Variants in GMDS observed in about 807,000 individuals in gnomAD.
GMDS encodes GDP-mannose 4,6-dehydratase, also known as GDP-mannose 4,6 dehydratase.
GMDS carries 20 observed loss-of-function variants against 49.9 expected under a neutral mutation model. The ratio of observed to expected loss-of-function variants is 0.40; its 90% CI spans 0.28 to 0.58. The LOEUF (loss-of-function observed/expected upper bound fraction) is 0.58, where lower values mean the gene tolerates loss of function less well. Among genes scored for constraint, GMDS ranks in the 20% least tolerant of loss-of-function variants. The pLI is 0.42. For synonymous variants in GMDS, 177 were observed against 178.6 expected (o/e 0.99, Z 0.07); for missense variants, 362 against 481.4 (o/e 0.75, Z 2.32).
At chr6:2,221,292 T>A (rs1175454149) in intron 1 of GMDS, among the ~76,000 whole-genome samples, 1 of 152,232 alleles carries the variant, frequency 6.6e-6, no homozygotes, top group East Asian at 1.9e-4. Context: ...TCATGATTTA[T>A]CCATCTGTTT....
At chr6:2,022,396 C>T (rs957343050) in intron 4 of GMDS, among the ~76,000 whole-genome samples, 1 of 152,134 alleles carries the variant, frequency 6.6e-6, no homozygotes, top group Non-Finnish European at 1.5e-5. Flanking sequence ...TTTTGTGGCA[C>T]TTTTCTGGTA....
intron 2 of GMDS, among the ~76,000 whole-genome samples, chr6:2,119,714 T>A (rs954417048): frequency 6.6e-6 from 1 of 152,162 alleles, no homozygotes. Flanking sequence ...ACTGAAAAGA[T>A]AAAAGAGCTG....
At chr6:1,791,364 G>C (rs1351535126) in intron 7 of GMDS, among the ~76,000 whole-genome samples, 1 of 152,172 alleles carries the variant, frequency 6.6e-6, no homozygotes, top group Non-Finnish European at 1.5e-5. Context: ...TTTCTAGTGA[G>C]GATGCTCTTC....
intron 7 of GMDS, among the ~76,000 whole-genome samples, chr6:1,915,648 T>C (rs1761344317): frequency 6.6e-6 from 1 of 152,192 alleles, no homozygotes; most frequent in Admixed American, 6.5e-5. Context: ...AGAGAGAGCA[T>C]CACAGTGCAG....
At position 1,865,623 on chromosome 6, in the gene GMDS, A is replaced by G. The variant is rs536517727; in HGVS notation, c.771+64480T>C. ...AGGAGACCTCAGAATGCTTAGGTTA[A>G]AAAAGAAAAAAAGAACGAAAGGAAA... On this transcript the variant is annotated intron_variant, in intron 7 of 10. Coordinates refer to ENST00000380815, the MANE Select transcript of GMDS (RefSeq NM_001500.4). Among the ~76,000 whole-genome samples, 97 of 152,286 alleles carry G rather than the reference A, an allele frequency of 6.4e-4. 2 individuals are homozygous for G. Among genetic ancestry groups the G allele is most frequent in the Middle Eastern group, 3.4e-3 (1 of 292 alleles).
At chr6:1,880,282 C>A in intron 7 of GMDS, among the ~76,000 whole-genome samples, 1 of 51,414 alleles carries the variant, frequency 1.9e-5, no homozygotes. Flanking sequence ...ACCTCATTTC[C>A]ACAAAAAAAA....
At chr6:2,132,590 A>G (rs1221628037) in intron 1 of GMDS, among the ~76,000 whole-genome samples, 2 of 152,222 alleles carry the variant, frequency 1.3e-5, no homozygotes, top group Non-Finnish European at 2.9e-5. Flanking sequence ...TGCATGAGTC[A>G]TGGACAGAAG....
chr6:1,933,112 C>G (rs922715986), intron 6 of GMDS, among the ~76,000 whole-genome samples: 3 of 152,270 alleles, frequency 2.0e-5, no homozygotes, highest in African/African-American at 7.2e-5. Context: ...TGGACACTTC[C>G]TATAAATGGA....
At chr6:1,989,840 C>T (rs929506491) in intron 4 of GMDS, among the ~76,000 whole-genome samples, 1 of 152,262 alleles carries the variant, frequency 6.6e-6, no homozygotes, top group Non-Finnish European at 1.5e-5. Flanking sequence ...GCTGAAGATA[C>T]GCCCTTGGGG....
Position 2,007,549 on chromosome 6 carries a change from G to T in GMDS, c.346-46583C>A, listed in dbSNP as rs535930691. 2.0e-5 allele frequency among the ~76,000 whole-genome samples: 3 copies of T among 151,230 alleles called. No individual in the cohort carries two copies. In the South Asian group the frequency reaches 6.3e-4, roughly 32 times the overall value. ...AATTAGTTTTCTCTTGTTACTTTCA[G>T]TTTTTTCTTTTTTCTTTTTTTTTTA... On this transcript the variant is annotated intron_variant, in intron 4 of 10. Transcript: ENST00000380815.
intron 5 of GMDS, 124 bp downstream of exon 5, chr6:1,960,650 A>G (rs1763888819): frequency 1.6e-6 from 1 of 609,368 alleles, no homozygotes; most frequent in Admixed American, 2.6e-5. Context: ...GTCTACCTTA[A>G]TGTTAACCTC....
At chr6:2,173,574 TG>T (rs1581748700) in intron 1 of GMDS, among the ~76,000 whole-genome samples, 1 of 152,180 alleles carries the variant, frequency 6.6e-6, no homozygotes, top group East Asian at 1.9e-4. Flanking sequence ...TAATTCTGAG[TG>T]GGCATAAATT....
At chr6:2,064,993 G>C (rs1371603068) in intron 4 of GMDS, among the ~76,000 whole-genome samples, 3 of 152,182 alleles carry the variant, frequency 2.0e-5, no homozygotes, top group Non-Finnish European at 4.4e-5. Context: ...CAAAAAGACA[G>C]CAGTAACCTC....
chr6:2,134,284 C>T (rs1191764764), intron 1 of GMDS, among the ~76,000 whole-genome samples: 2 of 152,206 alleles, frequency 1.3e-5, no homozygotes, highest in African/African-American at 4.8e-5. Flanking sequence ...TGTTGCTTTG[C>T]TTTCTTTTGC....
At chr6:1,767,105 C>G (rs775503679) in intron 7 of GMDS, among the ~76,000 whole-genome samples, 139 of 152,166 alleles carry the variant, frequency 9.1e-4, no homozygotes, top group Non-Finnish European at 1.8e-3. Flanking sequence ...TTTAATAATA[C>G]TTTTGTTTTC....
At chr6:1,846,123 T>C (rs1367733356) in intron 7 of GMDS, among the ~76,000 whole-genome samples, 1 of 150,312 alleles carries the variant, frequency 6.7e-6, no homozygotes, top group Non-Finnish European at 1.5e-5. Context: ...AAGGTCTCTT[T>C]GCTCTGTGAC....
At chr6:2,189,444 A>T (rs1348261196) in intron 1 of GMDS, among the ~76,000 whole-genome samples, 1 of 152,190 alleles carries the variant, frequency 6.6e-6, no homozygotes, top group East Asian at 1.9e-4. Context: ...CATAATGGTG[A>T]TTCCCAAATC....
chr6:1,965,197 G>A (rs1764197848), intron 4 of GMDS, among the ~76,000 whole-genome samples: 1 of 152,144 alleles, frequency 6.6e-6, no homozygotes, highest in Non-Finnish European at 1.5e-5. Flanking sequence ...CCAGTAATGG[G>A]ATGGCTGGGT....
intron 7 of GMDS, among the ~76,000 whole-genome samples, chr6:1,791,110 G>A (rs1277085292): frequency 6.6e-6 from 1 of 152,172 alleles, no homozygotes. Flanking sequence ...CTAGAAACTG[G>A]AAAAGGCAAG....
Sources: allele counts gnomAD v4.1 joint callset (sites outside exome capture counted in the v4.1 genomes callset), GRCh38; gene constraint gnomAD v4.1.1; transcripts MANE v1.5; gene names NCBI Gene and HGNC (gene_info 2026-07-23, HGNC 2026-07-21).